Variants in ARHGAP6 observed in about 807,000 individuals in gnomAD.
The protein encoded by ARHGAP6 is rho GTPase-activating protein 6.
Under a neutral mutation model 55.7 loss-of-function variants are expected in ARHGAP6, and 16 were observed. The observed-to-expected ratio is 0.29, with a 90% CI of 0.19 to 0.44. The LOEUF is 0.44. ARHGAP6 is among the 20% of genes least tolerant of loss of function. The pLI is 1.00. For missense variants in ARHGAP6, 698 were observed against 808.9 expected (o/e 0.86, Z 1.66); for synonymous variants, 382 against 360.9 (o/e 1.06, Z -0.66).
At chrX:11,359,688 A>C (rs1217817961) in intron 1 of ARHGAP6, among the ~76,000 whole-genome samples, 1 of 112,181 alleles carries the variant, frequency 8.9e-6, no homozygotes, top group Non-Finnish European at 1.9e-5. Context: ...AGACACAAAA[A>C]ACCCTTCAAA....
intron 1 of ARHGAP6, among the ~76,000 whole-genome samples, chrX:11,624,773 G>A (rs1279187983): frequency 3.6e-5 from 4 of 110,929 alleles, no homozygotes; most frequent in African/African-American, 9.9e-5. Flanking sequence ...GGATGGTCTC[G>A]ATCTCCTGAC....
intron 1 of ARHGAP6, among the ~76,000 whole-genome samples, chrX:11,291,121 C>T (rs779485307): frequency 1.8e-5 from 2 of 112,300 alleles, no homozygotes; most frequent in Non-Finnish European, 3.8e-5. Flanking sequence ...AAAATAATTG[C>T]TTATAGGAAA....
intron 1 of ARHGAP6, among the ~76,000 whole-genome samples, chrX:11,272,737 C>T (rs1000990515): frequency 8.9e-6 from 1 of 112,040 alleles, no homozygotes; most frequent in Non-Finnish European, 1.9e-5. Context: ...TTCACGTGCA[C>T]AGGCTTGATC....
chrX:11,281,288 G>A (rs2047851831), intron 1 of ARHGAP6, among the ~76,000 whole-genome samples: 2 of 111,083 alleles, frequency 1.8e-5, no homozygotes, highest in South Asian at 7.6e-4. Context: ...GGAGTCCAAG[G>A]GATCCCTGTG....
At chrX:11,389,355 T>C (rs147560448) in intron 1 of ARHGAP6, among the ~76,000 whole-genome samples, 2,206 of 112,307 alleles carry the variant, frequency 0.02, 33 homozygotes, top group Non-Finnish European at 0.031. Context: ...GCACCAATTA[T>C]ATGCTGAATT....
intron 1 of ARHGAP6, among the ~76,000 whole-genome samples, chrX:11,547,394 C>G (rs1005979695): frequency 1.8e-5 from 2 of 112,001 alleles, no homozygotes; most frequent in Non-Finnish European, 3.8e-5. Flanking sequence ...TTCTGCATTT[C>G]TAATTATCTC....
intron 1 of ARHGAP6, among the ~76,000 whole-genome samples, chrX:11,276,000 C>G (rs1024142065): frequency 9.0e-6 from 1 of 111,699 alleles, no homozygotes; most frequent in Non-Finnish European, 1.9e-5. Context: ...CAAAACATGA[C>G]CAAAGGAAAT....
At chrX:11,515,498 CTTTT>C (rs1226157333) in intron 1 of ARHGAP6, among the ~76,000 whole-genome samples, 1 of 106,964 alleles carries the variant, frequency 9.3e-6, no homozygotes, top group Non-Finnish European at 1.9e-5. Context: ...ATACCTCCCC[CTTTT>C]TTAACAACCA....
At chrX:11,390,104 T>A (rs1200549165) in intron 1 of ARHGAP6, among the ~76,000 whole-genome samples, 1 of 112,225 alleles carries the variant, frequency 8.9e-6, no homozygotes, top group African/African-American at 3.2e-5. Flanking sequence ...AATTTTTGTA[T>A]AAGGTATAAG....
At chrX:11,411,040 A>G (rs1344759466) in intron 1 of ARHGAP6, among the ~76,000 whole-genome samples, 2 of 105,263 alleles carry the variant, frequency 1.9e-5, no homozygotes, top group Non-Finnish European at 3.9e-5. Flanking sequence ...AATGCTTTCA[A>G]CAGTCCCAAG....
At chrX:11,239,725 C>T (rs2047248788) in intron 2 of ARHGAP6, among the ~76,000 whole-genome samples, 1 of 111,396 alleles carries the variant, frequency 9.0e-6, no homozygotes, top group African/African-American at 3.3e-5. Flanking sequence ...TTGATTAGTA[C>T]AGAAATCTAT....
intron 1 of ARHGAP6, among the ~76,000 whole-genome samples, chrX:11,653,566 C>T (rs1258721460): frequency 8.9e-6 from 1 of 112,167 alleles, no homozygotes; most frequent in Non-Finnish European, 1.9e-5. Context: ...GACCACATCT[C>T]TAATGTTATT....
At chrX:11,561,610 A>G (rs771113081) in intron 1 of ARHGAP6, among the ~76,000 whole-genome samples, 1 of 112,301 alleles carries the variant, frequency 8.9e-6, no homozygotes, top group East Asian at 2.8e-4. Flanking sequence ...TTCAACATTA[A>G]TAAGTATATA....
chrX:11,138,729 A>G lies in ARHGAP6; in HGVS notation c.*134T>C, dbSNP rs962721253. On this transcript the variant is annotated 3_prime_UTR_variant, in exon 13 of 13. Coordinates refer to ENST00000337414, the MANE Select transcript of ARHGAP6 (RefSeq NM_013427.3). Reference sequence around the variant, plus strand: ...GTGAGTGCTCTACCTCTGTAGGTGAACTGGATTTCTCTTGTGTCACTTTTG... The same window carrying G: ...GTGAGTGCTCTACCTCTGTAGGTGAGCTGGATTTCTCTTGTGTCACTTTTG... 2 of 718,121 alleles carry G rather than the reference A, an allele frequency of 2.8e-6. No individual in the cohort carries two copies. The highest frequency in any genetic ancestry group is 4.0e-6 in the Non-Finnish European group (2 of 495,587). The allele number at this position is 718,121 out of a possible 1,213,427, so 59.2% of individuals were successfully genotyped here.
intron 1 of ARHGAP6, among the ~76,000 whole-genome samples, chrX:11,601,233 G>T (rs1237814053): frequency 1.8e-5 from 2 of 111,417 alleles, no homozygotes; most frequent in African/African-American, 6.5e-5. Flanking sequence ...GTGGGAGAGG[G>T]ACAGCAGCAG....
At chrX:11,201,890 G>A (rs1472216898) in intron 2 of ARHGAP6, among the ~76,000 whole-genome samples, 2 of 110,807 alleles carry the variant, frequency 1.8e-5, no homozygotes, top group Admixed American at 1.9e-4. Context: ...GAGAGTGGGT[G>A]GGGAATATAA....
rs760199920 is a variant in ARHGAP6 at position 11,660,415 on chromosome X, C to T, written c.588+3826G>A. Among the ~76,000 whole-genome samples, 3 of 106,823 alleles carry T rather than the reference C, an allele frequency of 2.8e-5. No homozygotes were observed. The South Asian group carries it at 1.3e-3, about 47-fold the overall frequency. 92.8% of individuals were successfully genotyped at this position (106,823 alleles called of 115,157 possible). The stretch of plus-strand genomic sequence containing the variant: ...GTCTCTACTGGTGCATGCCTGTAGT[C>T]GCAGCTACTGGGGAGGCTGAGGCAG... On this transcript the variant is annotated intron_variant, in intron 1 of 12. Transcript: ENST00000337414.
chrX:11,329,916 A>C (rs964976158), intron 1 of ARHGAP6, among the ~76,000 whole-genome samples: 3 of 113,059 alleles, frequency 2.7e-5, no homozygotes, highest in Non-Finnish European at 5.6e-5. Flanking sequence ...AGAAAGGTAG[A>C]GTAACAATAT....
At chrX:11,524,777 T>C (rs1272876149) in intron 1 of ARHGAP6, among the ~76,000 whole-genome samples, 1 of 111,209 alleles carries the variant, frequency 9.0e-6, no homozygotes, top group Non-Finnish European at 1.9e-5. Context: ...ATTTCTATTA[T>C]TCCATTGTAA....
Sources: allele counts gnomAD v4.1 joint callset (sites outside exome capture counted in the v4.1 genomes callset), GRCh38; gene constraint gnomAD v4.1.1; transcripts MANE v1.5; gene names NCBI Gene and HGNC (gene_info 2026-07-23, HGNC 2026-07-21).